The following ZNF793 variants were observed in gnomAD, a reference collection of about 807,000 sequenced individuals.
The protein encoded by ZNF793 is zinc finger protein 793.
In ZNF793, 5 loss-of-function variants were observed where a neutral mutation model predicts 12.4. That is an observed-to-expected ratio of 0.40 (90% CI 0.21 to 0.84). The LOEUF (loss-of-function observed/expected upper bound fraction) is 0.84. Among genes scored for constraint, ZNF793 ranks in the 40% least tolerant of loss-of-function variants. The probability of loss-of-function intolerance (pLI) is 0.35; values close to 1 mark genes in which losing one functional copy is unlikely to be tolerated. For synonymous variants in ZNF793, 162 were observed against 172.4 expected, an observed-to-expected ratio of 0.94 and a Z score of 0.47; for missense variants, 456 against 495.0, an observed-to-expected ratio of 0.92 and a Z score of 0.75.
intron 5 of ZNF793, among the ~76,000 whole-genome samples, chr19:37,529,573 A>G (rs1343597222): frequency 2.0e-5 from 3 of 152,036 alleles, no homozygotes; most frequent in Non-Finnish European, 4.4e-5. Context: ...GCTCACTGAA[A>G]CCTCTGCCTC....
At position 37,532,613 on chromosome 19, in the gene ZNF793, C is replaced by T. The variant is rs559753545; in HGVS notation, c.142+131C>T. On this transcript the variant is annotated intron_variant, in intron 6 of 7. Coordinates refer to ENST00000627814, the MANE Select transcript of ZNF793 (RefSeq NM_001013659.3). ...ATCACCTGAGGTCAGGAGTTTGAAA[C>T]CTGCCTGGCCAGCATGGTGAAACCC... The T allele has an allele frequency of 2.4e-5, 23 of 958,896 alleles. No homozygotes were observed. In the African/African-American group the frequency reaches 2.9e-4, roughly 12 times the overall value. The allele number at this position is 958,896 out of a possible 1,614,324, so 59.4% of individuals were successfully genotyped here.
chr19:37,529,931 C>A (rs2042444556), intron 5 of ZNF793, among the ~76,000 whole-genome samples: 1 of 151,882 alleles, frequency 6.6e-6, no homozygotes, highest in African/African-American at 2.4e-5. Context: ...TACCAGTGTT[C>A]AGCATACGGA....
At position 37,523,419 on chromosome 19, in the gene ZNF793, C is replaced by A; in HGVS notation, c.-21C>A. On this transcript the variant is annotated 5_prime_UTR_variant, in exon 5 of 8. Transcript: ENST00000627814. The stretch of plus-strand genomic sequence containing the variant: ...CCCCACATGTCTACAGGTGTCAGAT[C>A]TTTTTCAAGAACAGCAGAAAATGAT... 1.2e-6 allele frequency: 2 copies of A among 1,613,078 alleles called. No individual in the cohort carries two copies. The highest frequency in any genetic ancestry group is 2.2e-5 in the South Asian group (2 of 91,062).
rs116628248 is a variant in ZNF793, at chr19:37,536,130, A to G, written c.239-767A>G. ...TTCACAAGCCCCCTGTTTTCTGCCA[A>G]GTTAAGAACTCTTGCTTAAGTCCTA... On this transcript the variant is annotated intron_variant, in intron 7 of 7. Coordinates refer to ENST00000627814, the MANE Select transcript of ZNF793 (RefSeq NM_001013659.3). 1,167 of 248,212 alleles carry G rather than the reference A, an allele frequency of 4.7e-3. 10 individuals are homozygous for G. The highest frequency in any genetic ancestry group is 0.023 in the African/African-American group (1,052 of 45,290). The allele number at this position is 248,212 out of a possible 1,614,324, so 15.4% of individuals were successfully genotyped here.
At chr19:37,536,591 T>C in intron 7 of ZNF793, 1 of 410,756 alleles carries the variant, frequency 2.4e-6, no homozygotes, top group Non-Finnish European at 4.3e-6. Flanking sequence ...AGTTGAGTCA[T>C]TGTGACGGAG....
At chr19:37,508,821 T>G (rs2042271671) in intron 2 of ZNF793, among the ~76,000 whole-genome samples, 1 of 152,198 alleles carries the variant, frequency 6.6e-6, no homozygotes, top group Non-Finnish European at 1.5e-5. Context: ...TCAACTTAAA[T>G]TATCAAAGGA....
chr19:37,509,841 C>G (rs1246052061), intron 2 of ZNF793, among the ~76,000 whole-genome samples: 3 of 152,202 alleles, frequency 2.0e-5, no homozygotes, highest in South Asian at 2.1e-4. Flanking sequence ...AAACAACATT[C>G]TAGCACCGTG....
intron 7 of ZNF793, chr19:37,534,419 C>G (rs1282944452): frequency 6.6e-6 from 1 of 152,176 alleles, no homozygotes; most frequent in African/African-American, 2.4e-5. Context: ...CAGGTGTGCA[C>G]TTACCCTGTT....
intron 5 of ZNF793, among the ~76,000 whole-genome samples, chr19:37,528,339 G>C (rs2042432470): frequency 6.6e-6 from 1 of 151,966 alleles, no homozygotes; most frequent in Non-Finnish European, 1.5e-5. Context: ...CTTTTTATTG[G>C]TGGTTGATCA....
chr19:37,517,286 T>G (rs1221791046), intron 2 of ZNF793, among the ~76,000 whole-genome samples: 1 of 152,062 alleles, frequency 6.6e-6, no homozygotes, highest in Non-Finnish European at 1.5e-5. Flanking sequence ...TTTTAGTCTG[T>G]ATCTACAGCT....
In ZNF793 at chr19:37,532,341, T is replaced by A. The variant is rs747235931; in HGVS notation, c.16-15T>A. ...TTTTTTTCGACATGACTCAATGTCATTTTTGTTTCAACAGATACCTGTGTC... is the reference window on the plus strand; with the variant it reads ...TTTTTTTCGACATGACTCAATGTCAATTTTGTTTCAACAGATACCTGTGTC... On this transcript the variant is annotated splice_polypyrimidine_tract_variant and intron_variant, in intron 5 of 7. Coordinates refer to ENST00000627814, the MANE Select transcript of ZNF793 (RefSeq NM_001013659.3). 1.2e-5 allele frequency: 20 copies of A among 1,611,208 alleles called. No individual in the cohort carries two copies. In the South Asian group the frequency reaches 2.2e-4, roughly 18 times the overall value.
intron 6 of ZNF793, 109 bp downstream of exon 6, chr19:37,532,591 A>G: frequency 7.8e-7 from 1 of 1,286,768 alleles, no homozygotes; most frequent in Middle Eastern, 2.0e-4. Context: ...CAGGTGGATC[A>G]CCTGAGGTCA....
chr19:37,533,002 T>G (rs975045308), intron 6 of ZNF793, among the ~76,000 whole-genome samples: 1 of 152,136 alleles, frequency 6.6e-6, no homozygotes, highest in Non-Finnish European at 1.5e-5. Context: ...TTTACACATT[T>G]GGAAATTGAG....
At chr19:37,530,601 A>T (rs939628306) in intron 5 of ZNF793, among the ~76,000 whole-genome samples, 5 of 152,102 alleles carry the variant, frequency 3.3e-5, no homozygotes, top group African/African-American at 1.2e-4. Flanking sequence ...TTTAACCCTG[A>T]GTTGACCCAG....
chr19:37,508,340 T>C lies in ZNF793; in HGVS notation c.-339T>C, dbSNP rs1334571891. On this transcript the variant is annotated 5_prime_UTR_variant, in exon 2 of 8. Transcript: ENST00000627814. ...AGTGAGGCTGGTTTCTGGAAATCCA[T>C]TCTGACTCTGTGACAGCGGGGATGG... is the stretch of plus-strand genomic sequence containing the variant. The C allele has an allele frequency of 6.6e-6, 1 of 152,188 alleles. No homozygotes were observed. The highest frequency in any genetic ancestry group is 1.5e-5 in the Non-Finnish European group (1 of 68,026). The allele number at this position is 152,188 out of a possible 1,614,324, so 9.4% of individuals were successfully genotyped here.
intron 5 of ZNF793, among the ~76,000 whole-genome samples, chr19:37,525,389 C>T (rs980225350): frequency 1.3e-5 from 2 of 150,964 alleles, no homozygotes; most frequent in African/African-American, 2.4e-5. Flanking sequence ...CCTCCCGCCT[C>T]GGCCTCCCAA....
intron 2 of ZNF793, among the ~76,000 whole-genome samples, chr19:37,519,622 G>A (rs2042359943): frequency 6.6e-6 from 1 of 152,184 alleles, no homozygotes; most frequent in Non-Finnish European, 1.5e-5. Flanking sequence ...AAGAACACTT[G>A]TAAATGAATT....
intron 5 of ZNF793, among the ~76,000 whole-genome samples, chr19:37,530,661 C>A (rs2042452466): frequency 6.6e-6 from 1 of 152,162 alleles, no homozygotes; most frequent in South Asian, 2.1e-4. Context: ...AGATTAACAG[C>A]ATCTCAAGGC....
At chr19:37,523,095 C>T (rs1450285946) in intron 4 of ZNF793, among the ~76,000 whole-genome samples, 2 of 152,170 alleles carry the variant, frequency 1.3e-5, no homozygotes, top group Non-Finnish European at 2.9e-5. Flanking sequence ...GATCATGGCT[C>T]ACTGCAGCTT....
Sources: allele counts gnomAD v4.1 joint callset (sites outside exome capture counted in the v4.1 genomes callset), GRCh38; gene constraint gnomAD v4.1.1; transcripts MANE v1.5; gene names NCBI Gene and HGNC (gene_info 2026-07-23, HGNC 2026-07-21).